The following PIGX variants were observed in gnomAD, a reference collection of about 807,000 sequenced individuals.
The protein encoded by PIGX is phosphatidylinositol glycan anchor biosynthesis class X.
In PIGX, 24 loss-of-function variants were observed where a neutral mutation model predicts 28.7. That is an observed-to-expected ratio of 0.84 (90% CI 0.60 to 1.17). The LOEUF (loss-of-function observed/expected upper bound fraction) is 1.17. PIGX is among the 50% of genes most tolerant of loss of function. PIGX has a pLI of 0.00. For missense variants in PIGX, 305 were observed against 317.8 expected (o/e 0.96, Z 0.31); for synonymous variants, 127 against 121.0 (o/e 1.05, Z -0.33).
intron 2 of PIGX, among the ~76,000 whole-genome samples, chr3:196,717,464 C>T (rs1485941618): frequency 4.6e-5 from 7 of 152,042 alleles, no homozygotes; most frequent in Admixed American, 3.9e-4. Context: ...GGGATTGGTT[C>T]CTCCTGGACC....
At chr3:196,723,992 T>A (rs966199442) in intron 3 of PIGX, among the ~76,000 whole-genome samples, 1 of 151,776 alleles carries the variant, frequency 6.6e-6, no homozygotes, top group African/African-American at 2.4e-5. Flanking sequence ...CATACAATTA[T>A]GGAAGGACCT....
intron 5 of PIGX, among the ~76,000 whole-genome samples, chr3:196,731,587 G>T (rs958589144): frequency 5.3e-5 from 8 of 152,204 alleles, no homozygotes; most frequent in African/African-American, 1.9e-4. Context: ...CAGTTGGGAA[G>T]ATGGATGACT....
At chr3:196,728,550 C>T (rs1202007148) in intron 4 of PIGX, among the ~76,000 whole-genome samples, 1 of 152,326 alleles carries the variant, frequency 6.6e-6, no homozygotes, top group East Asian at 1.9e-4. Context: ...CATTAAGTCT[C>T]TTAATGTACA....
At position 196,729,633 on chromosome 3, in the gene PIGX, C is replaced by T. The variant is rs144973908; in HGVS notation, c.533-1359C>T. ...CGAACTCCTGACCTCGTGATCCACCCGCCTCGGCCTCCCAAAGTGCTGGGA... is the reference window on the plus strand; with the variant it reads ...CGAACTCCTGACCTCGTGATCCACCTGCCTCGGCCTCCCAAAGTGCTGGGA... On this transcript the variant is annotated intron_variant, in intron 4 of 5. Coordinates refer to ENST00000392391, the MANE Select transcript of PIGX (RefSeq NM_017861.4). Among the ~76,000 whole-genome samples, 1,488 of 151,494 alleles carry T rather than the reference C, an allele frequency of 9.8e-3. 17 individuals carry two copies. Among genetic ancestry groups the T allele is most frequent in the African/African-American group, 0.034 (1,394 of 41,406 alleles).
chr3:196,734,642 T>C lies in PIGX; in HGVS notation c.*740T>C, dbSNP rs1478522576. 1 of 152,242 alleles carries C rather than the reference T, an allele frequency of 6.6e-6. No homozygotes were observed. The highest frequency in any genetic ancestry group is 2.4e-5 in the African/African-American group (1 of 41,464). 9.4% of individuals were successfully genotyped at this position (152,242 alleles called of 1,614,324 possible). A position where few individuals can be genotyped will look rare whatever the true frequency, so the allele number is the denominator to read the frequency against. On this transcript the variant is annotated 3_prime_UTR_variant, in exon 6 of 6. Coordinates refer to ENST00000392391, the MANE Select transcript of PIGX (RefSeq NM_017861.4). ...TTAAATAGTAATGTCATGAGACTAT[T>C]AAAGATGTGCCAGAGTTTCAATGAA... is the stretch of plus-strand genomic sequence containing the variant.
At position 196,735,041 on chromosome 3, in the gene PIGX, T is replaced by G. The variant is rs1260852551; in HGVS notation, c.*1139T>G. On this transcript the variant is annotated 3_prime_UTR_variant, in exon 6 of 6. Coordinates refer to ENST00000392391, the MANE Select transcript of PIGX (RefSeq NM_017861.4). ...CGGGCGCGGTGGCTTACGCCTATAA[T>G]CCCAGCACTTTGGGAGGCCGAGACG... 6.6e-6 allele frequency: 1 copy of G among 151,970 alleles called. No homozygotes were observed. The highest frequency in any genetic ancestry group is 1.5e-5 in the Non-Finnish European group (1 of 68,008). The allele number at this position is 151,970 out of a possible 1,614,324, so 9.4% of individuals were successfully genotyped here.
intron 3 of PIGX, chr3:196,726,654 G>A: frequency 2.2e-6 from 1 of 456,388 alleles, no homozygotes; most frequent in Non-Finnish European, 4.4e-6. Flanking sequence ...TCCCTTGTCA[G>A]GAGAAGACTT....
At chr3:196,720,625 A>G (rs1044967078) in intron 2 of PIGX, among the ~76,000 whole-genome samples, 4 of 152,220 alleles carry the variant, frequency 2.6e-5, no homozygotes, top group African/African-American at 9.7e-5. Context: ...TGTAGTGGCC[A>G]CATCATTTTA....
chr3:196,727,275 T>C (rs950132446), intron 3 of PIGX, among the ~76,000 whole-genome samples: 9 of 152,240 alleles, frequency 5.9e-5, no homozygotes, highest in Non-Finnish European at 8.8e-5. Flanking sequence ...TAAATAAATA[T>C]ACATGTTATA....
chr3:196,729,319 C>T (rs1339331585), intron 4 of PIGX, among the ~76,000 whole-genome samples: 1 of 146,754 alleles, frequency 6.8e-6, no homozygotes. Context: ...GGTGACAGAG[C>T]GAGACTGCGT....
rs200901752 is a variant in PIGX at position 196,713,836 on chromosome 3, CA to C, written c.112+1209del. Among the ~76,000 whole-genome samples, 738 of 105,720 alleles carry C rather than the reference CA, an allele frequency of 7.0e-3. 3 individuals carry two copies. Among genetic ancestry groups the C allele is most frequent in the African/African-American group, 0.018 (527 of 28,672 alleles). The allele number at this position is 105,720 out of a possible 152,430, so 69.4% of individuals were successfully genotyped here. Reference sequence around the variant, plus strand: ...TGGGTGACAGAGGGAGACTCTGTCTCAAAAAAAAAAAAAAAAAGGAAAAAGA... The same window carrying C: ...TGGGTGACAGAGGGAGACTCTGTCTCAAAAAAAAAAAAAAAAGGAAAAAGA... On this transcript the variant is annotated intron_variant, in intron 1 of 5. Coordinates refer to ENST00000392391, the MANE Select transcript of PIGX (RefSeq NM_017861.4).
chr3:196,731,914 C>T (rs2108689382), intron 5 of PIGX, among the ~76,000 whole-genome samples: 1 of 151,902 alleles, frequency 6.6e-6, no homozygotes, highest in Middle Eastern at 3.4e-3. Context: ...GCAACCTCCG[C>T]CTCCCTGTTC....
chr3:196,726,140 A>T (rs1712513528), intron 3 of PIGX, among the ~76,000 whole-genome samples: 1 of 152,078 alleles, frequency 6.6e-6, no homozygotes. Flanking sequence ...AAATACAAAA[A>T]ATTAGCCAGG....
At position 196,728,152 on chromosome 3, in the gene PIGX, G is replaced by A; in HGVS notation, c.532+16G>A. 6.2e-7 allele frequency: 1 copy of A among 1,600,972 alleles called. No homozygotes were observed. The highest frequency in any genetic ancestry group is 8.6e-7 in the Non-Finnish European group (1 of 1,168,382). On this transcript the variant is annotated intron_variant, in intron 4 of 5. Transcript: ENST00000392391. ...TGTGACCAAGGTGAGGGCTGCAAGTGTTTTCTAAGGGTTGAAACATCAGAA... is the reference window on the plus strand; with the variant it reads ...TGTGACCAAGGTGAGGGCTGCAAGTATTTTCTAAGGGTTGAAACATCAGAA...
intron 3 of PIGX, among the ~76,000 whole-genome samples, chr3:196,723,616 CTTT>C (rs537275236): frequency 3.7e-5 from 5 of 135,072 alleles, no homozygotes; most frequent in African/African-American, 1.1e-4. Context: ...CAGATGATTT[CTTT>C]TTTTTTTTTT....
In PIGX at chr3:196,729,587, C is replaced by T. The variant is rs569491663; in HGVS notation, c.533-1405C>T. 1.3e-4 allele frequency among the ~76,000 whole-genome samples: 19 copies of T among 150,904 alleles called. No homozygotes were observed. The South Asian group carries it at 4.0e-3, about 31-fold the overall frequency. On this transcript the variant is annotated intron_variant, in intron 4 of 5. Coordinates refer to ENST00000392391, the MANE Select transcript of PIGX (RefSeq NM_017861.4). Reference sequence around the variant, plus strand: ...TATTTTTAGTAGAGACGGAGTTTCACTATGTTGGCCAGACTAGTCTCGAAC... The same window carrying T: ...TATTTTTAGTAGAGACGGAGTTTCATTATGTTGGCCAGACTAGTCTCGAAC...
intron 4 of PIGX, chr3:196,728,555 T>C (rs1712617476): frequency 3.1e-6 from 2 of 639,430 alleles, no homozygotes; most frequent in Non-Finnish European, 5.6e-6. Context: ...AGTCTCTTAA[T>C]GTACAGGTTT....
chr3:196,731,172 G>T, intron 5 of PIGX, 80 bp downstream of exon 5: 5 of 755,758 alleles, frequency 6.6e-6, no homozygotes, highest in Non-Finnish European at 1.1e-5. Context: ...CCACATTTAA[G>T]AGATTAGCAT....
intron 1 of PIGX, among the ~76,000 whole-genome samples, chr3:196,716,264 G>C (rs2097929372): frequency 7.7e-6 from 1 of 130,056 alleles, no homozygotes; most frequent in Admixed American, 8.0e-5. Flanking sequence ...CTCCAGCTTT[G>C]CTTTTTGTTT....
Sources: allele counts gnomAD v4.1 joint callset (sites outside exome capture counted in the v4.1 genomes callset), GRCh38; gene constraint gnomAD v4.1.1; transcripts MANE v1.5; gene names NCBI Gene and HGNC (gene_info 2026-07-23, HGNC 2026-07-21).